RB1: variants seen among roughly 807,000 people sequenced by gnomAD.
RB1 encodes the protein RB transcriptional corepressor 1.
RB1 carries 18 observed loss-of-function variants against 135.4 expected under a neutral mutation model. That is an observed-to-expected ratio of 0.13 (90% CI 0.09 to 0.20). RB1 has a LOEUF of 0.20. Among genes scored for constraint, RB1 ranks in the 10% least tolerant of loss-of-function variants. The pLI, the probability that RB1 is intolerant of heterozygous loss-of-function variation, is 1.00. For synonymous variants in RB1, 365 were observed against 373.2 expected (o/e 0.98, Z 0.25); for missense variants, 868 against 1,110.0 (o/e 0.78, Z 3.10).
rs143703972 is a variant in RB1, at chr13:48,319,597, T to C, written c.264+12191T>C. ...TTGAGGCTTCTGGGCTGCACGTTCGTCTTTGCTAACCGGGGAGGTTTGCGA... is the reference window on the plus strand; with the variant it reads ...TTGAGGCTTCTGGGCTGCACGTTCGCCTTTGCTAACCGGGGAGGTTTGCGA... On this transcript the variant is annotated intron_variant, in intron 2 of 26. Transcript: ENST00000267163. This position sits in a 1 kb window ranked among gnomAD's most constrained non-coding sequence, Gnocchi z 5.0. The C allele has an allele frequency of 1.7e-3, 412 of 247,796 alleles. 1 individual carries two copies. Among genetic ancestry groups the C allele is most frequent in the African/African-American group, 9.0e-3 (388 of 43,344 alleles). 15.3% of individuals were successfully genotyped at this position (247,796 alleles called of 1,614,324 possible).
chr13:48,444,496 C>T lies in RB1; in HGVS notation c.1696-8497C>T, dbSNP rs549486756. 24 of 152,528 alleles carry T rather than the reference C, an allele frequency of 1.6e-4. 2 individuals carry two copies. The South Asian group carries it at 3.3e-3, about 21-fold the overall frequency. 9.4% of individuals were successfully genotyped at this position (152,528 alleles called of 1,614,324 possible). ...TGTGCCACTGCACTCCTGCCTGGGC[C>T]GCAGAGCAAGACTGTCTGAAAAAAC... On this transcript the variant is annotated intron_variant, in intron 17 of 26. Coordinates refer to ENST00000267163, the MANE Select transcript of RB1 (RefSeq NM_000321.3).
rs1461167778 is a variant in RB1, at chr13:48,477,403, G to A, written c.2712G>A (p.Met904Ile). The change falls in exon 26 of 27, where the codon ATG becomes ATA. Residue 904 changes from methionine to isoleucine, a missense_variant and splice_region_variant. By Grantham distance (10) the Met-to-Ile change is conservative. Around this residue, in one of 3 missense-constraint regions of RB1, gnomAD observed 196 missense variants for 239.8 expected, o/e 0.82. Transcript: ENST00000267163. ...ESKFQQKLAEMTSTRTRMQKQ... is the reference protein window; with the variant it reads ...ESKFQQKLAEITSTRTRMQKQ... ...AATTTCAGCAGAAACTGGCAGAAAT[G>A]AGTAAGTACTTTTTTCACCTTGTGT... The A allele has an allele frequency of 6.2e-7, 1 of 1,603,168 alleles. No individual in the cohort carries two copies. Among genetic ancestry groups the A allele is most frequent in the South Asian group, 1.1e-5 (1 of 90,782 alleles).
At chr13:48,361,900 G>T (rs1952644397) in intron 7 of RB1, among the ~76,000 whole-genome samples, 1 of 149,498 alleles carries the variant, frequency 6.7e-6, no homozygotes, top group Non-Finnish European at 1.5e-5. Flanking sequence ...TTGTTGATTG[G>T]ATCTAGAGGC....
intron 17 of RB1, chr13:48,411,442 G>C (rs1258499641): frequency 1.2e-6 from 2 of 1,613,110 alleles, no homozygotes; most frequent in East Asian, 4.5e-5. Context: ...TGTAGGTTAT[G>C]CTGAATAAAA....
intron 2 of RB1, chr13:48,328,426 T>C (rs1192140028): frequency 7.9e-7 from 1 of 1,265,710 alleles, no homozygotes; most frequent in Non-Finnish European, 1.2e-6. Context: ...TTTGCAGGCT[T>C]TGTTGGAGGT....
In RB1 at chr13:48,317,473, A is replaced by G. The variant is rs916404436; in HGVS notation, c.264+10067A>G. ...CCTTTCAGCTTCCTGGCTAGGGGTC[A>G]GGAAGCCCCGGCTCCCGCAGCCCAT... On this transcript the variant is annotated intron_variant, in intron 2 of 26. Coordinates refer to ENST00000267163, the MANE Select transcript of RB1 (RefSeq NM_000321.3). 71 of 438,198 alleles carry G rather than the reference A, an allele frequency of 1.6e-4. No homozygotes were observed. The Middle Eastern group carries it at 2.0e-3, about 12-fold the overall frequency. 27.1% of individuals were successfully genotyped at this position (438,198 alleles called of 1,614,324 possible).
intron 12 of RB1, among the ~76,000 whole-genome samples, chr13:48,376,317 A>G (rs912053626): frequency 6.6e-6 from 1 of 152,090 alleles, no homozygotes; most frequent in Non-Finnish European, 1.5e-5. Context: ...GCTGGTCAAC[A>G]TGGCAAAACC....
At chr13:48,318,487 T>TA in intron 2 of RB1, 1 of 1,208,464 alleles carries the variant, frequency 8.3e-7, no homozygotes, top group Non-Finnish European at 1.2e-6. Context: ...TCGTCTGTCT[T>TA]ACCCTGGCCC....
chr13:48,372,795 TAA>T (rs1292765906), intron 11 of RB1, among the ~76,000 whole-genome samples: 1 of 152,206 alleles, frequency 6.6e-6, no homozygotes, highest in Non-Finnish European at 1.5e-5. Flanking sequence ...TTTGCATAAT[TAA>T]AGTGTCCCAA....
At chr13:48,305,575 C>G (rs1952074148) in intron 1 of RB1, among the ~76,000 whole-genome samples, 1 of 152,034 alleles carries the variant, frequency 6.6e-6, no homozygotes, top group Non-Finnish European at 1.5e-5. Flanking sequence ...GTTGTGGCCA[C>G]TGCTTGGAAA....
At chr13:48,322,489 C>T (rs575135959) in intron 2 of RB1, among the ~76,000 whole-genome samples, 43 of 152,298 alleles carry the variant, frequency 2.8e-4, no homozygotes, top group African/African-American at 1.0e-3. Flanking sequence ...GATAGTTTTA[C>T]TTCTTCCTTT....
At chr13:48,343,402 T>C (rs980625186) in intron 3 of RB1, among the ~76,000 whole-genome samples, 1 of 152,198 alleles carries the variant, frequency 6.6e-6, no homozygotes, top group African/African-American at 2.4e-5. Context: ...GAATTAAACA[T>C]AATTGATATT....
chr13:48,424,277 A>G (rs117823633), intron 17 of RB1, among the ~76,000 whole-genome samples: 2,330 of 152,354 alleles, frequency 0.015, 28 homozygotes, highest in South Asian at 0.026. Context: ...GTCTATCGGT[A>G]TCATTTCGAA....
intron 2 of RB1, among the ~76,000 whole-genome samples, chr13:48,324,422 G>T (rs919542654): frequency 3.6e-5 from 4 of 110,826 alleles, no homozygotes; most frequent in Admixed American, 1.0e-4. Context: ...CTGTCTCCAT[G>T]AGTTCAATAT....
intron 8 of RB1, among the ~76,000 whole-genome samples, chr13:48,363,955 TAGCAGTA>T (rs1381011147): frequency 2.0e-5 from 3 of 152,194 alleles, no homozygotes; most frequent in African/African-American, 7.2e-5. Flanking sequence ...TAACACCAGA[TAGCAGTA>T]AAAAATGTTA....
chr13:48,477,533 T>C, intron 26 of RB1, 129 bp downstream of exon 26: 1 of 745,206 alleles, frequency 1.3e-6, no homozygotes, highest in Non-Finnish European at 2.3e-6. Context: ...AAAATATAAT[T>C]CAATCAAGGT....
chr13:48,424,823 C>T (rs1408772694), intron 17 of RB1, among the ~76,000 whole-genome samples: 1 of 152,038 alleles, frequency 6.6e-6, no homozygotes, highest in Non-Finnish European at 1.5e-5. Context: ...GAGGCCAAGG[C>T]GGGCAGACCT....
chr13:48,387,088 C>A (rs1207721073), intron 17 of RB1, among the ~76,000 whole-genome samples: 1 of 152,106 alleles, frequency 6.6e-6, no homozygotes, highest in African/African-American at 2.4e-5. Flanking sequence ...CCATATGAGG[C>A]CAGATTTTTC....
intron 24 of RB1, among the ~76,000 whole-genome samples, chr13:48,473,709 G>A (rs1430280942): frequency 1.3e-5 from 2 of 152,104 alleles, no homozygotes; most frequent in African/African-American, 4.8e-5. Flanking sequence ...CCAAATGTGT[G>A]AGATTTTTTT....
Sources: gnomAD v4.1 joint callset for allele counts (sites outside exome capture counted in the v4.1 genomes callset) on GRCh38, gnomAD v4.1.1 for gene constraint, gnomAD v4.1.1 regional missense constraint, Gnocchi (gnomAD v3.1) non-coding constraint, MANE v1.5 for transcripts, NCBI Gene and HGNC (gene_info 2026-07-23, HGNC 2026-07-21) for gene names.